Variants in MAGI1 observed in about 807,000 individuals in gnomAD.
MAGI1 encodes membrane associated guanylate kinase, WW and PDZ domain containing 1.
A neutral mutation model predicts 139.9 loss-of-function variants in MAGI1; 58 were observed. The ratio of observed to expected loss-of-function variants is 0.41; its 90% CI spans 0.34 to 0.52. The LOEUF (loss-of-function observed/expected upper bound fraction) is 0.52, where lower values mean the gene tolerates loss of function less well. MAGI1 is among the 20% of genes least tolerant of loss of function. The probability of loss-of-function intolerance (pLI) is 0.12; values close to 1 mark genes in which losing one functional copy is unlikely to be tolerated. For synonymous variants in MAGI1, 812 were observed against 737.9 expected, an observed-to-expected ratio of 1.10 and a Z score of -1.63; for missense variants, 1,874 against 1,901.6, an observed-to-expected ratio of 0.99 and a Z score of 0.27.
chr3:65,682,175 C>T (rs550329561), intron 1 of MAGI1, among the ~76,000 whole-genome samples: 6 of 151,890 alleles, frequency 4.0e-5, no homozygotes, highest in Admixed American at 2.0e-4. Flanking sequence ...AAAATGAATC[C>T]AAGATTCAAA....
intron 18 of MAGI1, among the ~76,000 whole-genome samples, chr3:65,370,122 C>G (rs1341456031): frequency 1.3e-5 from 2 of 152,198 alleles, no homozygotes; most frequent in Non-Finnish European, 2.9e-5. Context: ...ATCTAACTCC[C>G]CTGCTTCAAC....
intron 1 of MAGI1, among the ~76,000 whole-genome samples, chr3:65,664,098 C>T (rs1180206969): frequency 1.3e-5 from 2 of 152,174 alleles, no homozygotes; most frequent in Non-Finnish European, 2.9e-5. Flanking sequence ...CATACTGCTC[C>T]ATGCCATTGC....
At chr3:65,951,936 T>C (rs2063879900) in intron 1 of MAGI1, among the ~76,000 whole-genome samples, 1 of 152,220 alleles carries the variant, frequency 6.6e-6, no homozygotes, top group Non-Finnish European at 1.5e-5. Flanking sequence ...AAATAAATAA[T>C]GGTGAATCTA....
At chr3:65,502,086 C>A (rs1015340859) in intron 2 of MAGI1, among the ~76,000 whole-genome samples, 1 of 152,140 alleles carries the variant, frequency 6.6e-6, no homozygotes, top group African/African-American at 2.4e-5. Context: ...TTCTTGCCTG[C>A]GGTGGTGGTT....
chr3:65,874,873 G>T lies in MAGI1; in HGVS notation c.313+163123C>A, dbSNP rs1331815119. The T allele has an allele frequency of 4.6e-5, 7 of 152,502 alleles. 1 individual carries two copies. The highest frequency in any genetic ancestry group is 7.4e-5 in the Non-Finnish European group (5 of 68,018). The allele number at this position is 152,502 out of a possible 1,614,324, so 9.4% of individuals were successfully genotyped here. On this transcript the variant is annotated intron_variant, in intron 1 of 22. Transcript: ENST00000402939. ...ACAACCCAAATGTCCTTCAACTGATGAATGGGGAAAAAAATATGTATCTAT... is the reference window on the plus strand; with the variant it reads ...ACAACCCAAATGTCCTTCAACTGATTAATGGGGAAAAAAATATGTATCTAT...
chr3:65,861,307 G>T (rs931578), intron 1 of MAGI1, among the ~76,000 whole-genome samples: 20,925 of 152,064 alleles, frequency 0.14, 1,659 homozygotes, highest in African/African-American at 0.2. Context: ...CTTATACCAG[G>T]TGAGTACTCT....
At position 65,439,994 on chromosome 3, in the gene MAGI1, T is replaced by C. The variant is rs71306764; in HGVS notation, c.1155A>G (p.Thr385=). 3 of 1,613,878 alleles carry C rather than the reference T, an allele frequency of 1.9e-6. No homozygotes were observed. The Admixed American group carries it at 5.0e-5, about 27-fold the overall frequency. ...CTTCTAGAACCGGGTTCTCATATTG[T>C]GTCTTCCTGTTGATGTGGCTGGGGA... is the stretch of plus-strand genomic sequence containing the variant. ...IYYVDHINRK[T]QYENPVLEAK... Residue 385 remains threonine, a synonymous_variant, in exon 9 of 23, where the codon ACA becomes ACG. Coordinates refer to ENST00000402939, the MANE Select transcript of MAGI1 (RefSeq NM_001033057.2).
At chr3:65,741,392 A>T (rs949366371) in intron 1 of MAGI1, among the ~76,000 whole-genome samples, 3 of 151,940 alleles carry the variant, frequency 2.0e-5, no homozygotes, top group African/African-American at 4.8e-5. Flanking sequence ...GCCAGGATGG[A>T]CTCAGTCTCC....
In MAGI1 at chr3:65,364,912, C is replaced by T. The variant is rs561570190; in HGVS notation, c.3231G>A (p.Glu1077=). 2.0e-5 allele frequency: 33 copies of T among 1,613,922 alleles called. No individual in the cohort carries two copies. Among genetic ancestry groups the T allele is most frequent in the Middle Eastern group, 3.3e-4 (2 of 6,062 alleles). The change falls in exon 19 of 23, where the codon GAG becomes GAA. Residue 1077 remains glutamate, a synonymous_variant. Transcript: ENST00000402939. The part of the protein sequence containing the change: ...SSNATLLTNA[E]KIATITTTHT... ...GTGTGGTGGTGATGGTGGCAATCTTCTCTGCATTGGTCAGCAAGGTGGCAT... is the reference window on the plus strand; with the variant it reads ...GTGTGGTGGTGATGGTGGCAATCTTTTCTGCATTGGTCAGCAAGGTGGCAT...
intron 5 of MAGI1, among the ~76,000 whole-genome samples, chr3:65,459,893 C>T (rs1949657310): frequency 6.6e-6 from 1 of 151,948 alleles, no homozygotes; most frequent in Admixed American, 6.6e-5. Flanking sequence ...CCACTGCACT[C>T]CAACATGGGC....
At chr3:65,983,440 C>T (rs1249011208) in intron 1 of MAGI1, among the ~76,000 whole-genome samples, 1 of 152,186 alleles carries the variant, frequency 6.6e-6, no homozygotes, top group East Asian at 1.9e-4. Context: ...AGCATTTCAA[C>T]TCTGGACTTT....
chr3:65,879,397 G>C (rs887814353), intron 1 of MAGI1, among the ~76,000 whole-genome samples: 1 of 152,008 alleles, frequency 6.6e-6, no homozygotes, highest in Non-Finnish European at 1.5e-5. Context: ...GCAGAGAGAA[G>C]TCAGGCGATT....
In MAGI1 at chr3:65,366,417, G is replaced by C. The variant is rs1208577521; in HGVS notation, c.3197-1471C>G. On this transcript the variant is annotated intron_variant, in intron 18 of 22. Transcript: ENST00000402939. Reference sequence around the variant, plus strand: ...TTAGGTGAATCCCATTCATGTTTTGGGACAATGTTTCCCAAAATCTGTTTT... The same window carrying C: ...TTAGGTGAATCCCATTCATGTTTTGCGACAATGTTTCCCAAAATCTGTTTT... 2.0e-5 allele frequency among the ~76,000 whole-genome samples: 3 copies of C among 152,016 alleles called. No individual in the cohort carries two copies. The East Asian group carries it at 5.8e-4, about 29-fold the overall frequency.
chr3:65,826,785 T>C (rs1289529299), intron 1 of MAGI1, among the ~76,000 whole-genome samples: 1 of 152,190 alleles, frequency 6.6e-6, no homozygotes, highest in Non-Finnish European at 1.5e-5. Context: ...GTTTTAAAGA[T>C]GGAAAACACG....
chr3:65,383,724 T>C, intron 14 of MAGI1, 101 bp from the exon 15 acceptor site: 1 of 770,822 alleles, frequency 1.3e-6, no homozygotes, highest in Non-Finnish European at 2.3e-6. Flanking sequence ...TGGTGCTTGA[T>C]CAGATGGAAG....
intron 2 of MAGI1, among the ~76,000 whole-genome samples, chr3:65,527,488 G>C (rs2078440869): frequency 6.6e-6 from 1 of 152,180 alleles, no homozygotes; most frequent in Non-Finnish European, 1.5e-5. Context: ...CACTTTGGGA[G>C]GCCAAGGCAG....
intron 2 of MAGI1, among the ~76,000 whole-genome samples, chr3:65,537,320 G>A (rs2079004805): frequency 6.6e-6 from 1 of 152,116 alleles, no homozygotes; most frequent in African/African-American, 2.4e-5. Flanking sequence ...TTCTGTGGAA[G>A]CCATACCATT....
At chr3:65,607,559 A>T (rs1343176551) in intron 2 of MAGI1, among the ~76,000 whole-genome samples, 1 of 152,192 alleles carries the variant, frequency 6.6e-6, no homozygotes, top group Non-Finnish European at 1.5e-5. Context: ...AAATGAAAAA[A>T]AACTGAGTCT....
intron 1 of MAGI1, among the ~76,000 whole-genome samples, chr3:65,690,072 T>C (rs867991956): frequency 1.3e-5 from 2 of 152,130 alleles, no homozygotes; most frequent in Middle Eastern, 3.4e-3. Flanking sequence ...ACCACAGCAA[T>C]AGGAGTGGCT....
Sources: gnomAD v4.1 joint callset for allele counts (sites outside exome capture counted in the v4.1 genomes callset) on GRCh38, gnomAD v4.1.1 for gene constraint, MANE v1.5 for transcripts, NCBI Gene and HGNC (gene_info 2026-07-23, HGNC 2026-07-21) for gene names.